DPP6: variants seen among roughly 807,000 people sequenced by gnomAD.
DPP6 encodes the protein dipeptidyl peptidase like 6.
A neutral mutation model predicts 122.6 loss-of-function variants in DPP6; 69 were observed. The ratio of observed to expected loss-of-function variants is 0.56; its 90% CI spans 0.46 to 0.69. The LOEUF is 0.69. Ranked by LOEUF, DPP6 falls within the 30% of genes least tolerant of loss-of-function variation. The probability of loss-of-function intolerance (pLI) is 0.00; values close to 1 mark genes in which losing one functional copy is unlikely to be tolerated. For missense variants in DPP6, 928 were observed against 1,116.9 expected, an observed-to-expected ratio of 0.83 and a Z score of 2.41; for synonymous variants, 418 against 433.1, an observed-to-expected ratio of 0.97 and a Z score of 0.43.
At chr7:153,777,958 A>G in the DPP6 span, among the ~76,000 whole-genome samples, 3 of 147,364 alleles carry the variant, frequency 2.0e-5, no homozygotes, top group Middle Eastern at 0.01. Context: ...AATGAAACTA[A>G]CTCTATTATA....
At chr7:154,417,196 A>G (rs928033199) in intron 1 of DPP6, among the ~76,000 whole-genome samples, 4 of 152,112 alleles carry the variant, frequency 2.6e-5, no homozygotes, top group East Asian at 1.9e-4. Flanking sequence ...CCCACCAATT[A>G]CTTTCAAGAC....
At chr7:154,735,930 C>T (rs1357047075) in intron 8 of DPP6, among the ~76,000 whole-genome samples, 1 of 152,244 alleles carries the variant, frequency 6.6e-6, no homozygotes, top group African/African-American at 2.4e-5. Flanking sequence ...CTGTTCCTCA[C>T]TTGACCCTGA....
chr7:154,716,826 G>A (rs576597991), intron 7 of DPP6, among the ~76,000 whole-genome samples: 1 of 151,736 alleles, frequency 6.6e-6, no homozygotes, highest in South Asian at 2.1e-4. Context: ...TTGTTTGTTT[G>A]TTTGTTGTTA....
At chr7:154,860,840 C>T (rs1287504660) in intron 17 of DPP6, among the ~76,000 whole-genome samples, 2 of 152,204 alleles carry the variant, frequency 1.3e-5, no homozygotes, top group African/African-American at 2.4e-5. Flanking sequence ...GGCAGCTGCC[C>T]CATCACAGCC....
At chr7:153,920,801 T>A (rs1162318330) in intron 1 of DPP6, among the ~76,000 whole-genome samples, 1 of 151,980 alleles carries the variant, frequency 6.6e-6, no homozygotes, top group Non-Finnish European at 1.5e-5. Flanking sequence ...CCTCATGATC[T>A]GCCCACCTCA....
chr7:153,997,672 C>T (rs1451316255), intron 1 of DPP6, among the ~76,000 whole-genome samples: 1 of 149,690 alleles, frequency 6.7e-6, no homozygotes, highest in Non-Finnish European at 1.5e-5. Context: ...CTCTTAAGCA[C>T]ACAAAAATTA....
In DPP6 at chr7:154,863,006, C is replaced by T. The variant is rs1050216470; in HGVS notation, c.1715-4989C>T. Reference sequence around the variant, plus strand: ...TTTGACCTCCTGGGCTCAAGCAATCCTCCCACCTCAGCCCCACAAGTAGCT... The same window carrying T: ...TTTGACCTCCTGGGCTCAAGCAATCTTCCCACCTCAGCCCCACAAGTAGCT... On this transcript the variant is annotated intron_variant, in intron 17 of 25. Coordinates refer to ENST00000377770, the MANE Select transcript of DPP6 (RefSeq NM_130797.4). This position sits in a 1 kb window ranked among gnomAD's most constrained non-coding sequence, Gnocchi z 4.1. Among the ~76,000 whole-genome samples, 7 of 152,130 alleles carry T rather than the reference C, an allele frequency of 4.6e-5. No individual in the cohort carries two copies. Among genetic ancestry groups the T allele is most frequent in the Admixed American group, 4.6e-4 (7 of 15,278 alleles).
the DPP6 span, among the ~76,000 whole-genome samples, chr7:153,853,901 T>G: frequency 6.0e-4 from 90 of 150,912 alleles, 1 homozygote; most frequent in African/African-American, 2.1e-3. Context: ...TTTGGTGTTT[T>G]GGACATGAAG....
the DPP6 span, among the ~76,000 whole-genome samples, chr7:153,830,777 A>G: frequency 6.6e-6 from 1 of 152,232 alleles, no homozygotes; most frequent in African/African-American, 2.4e-5. Flanking sequence ...CGCACCAGGG[A>G]TAACAATAGC....
chr7:154,365,948 A>G (rs961373556), intron 1 of DPP6, among the ~76,000 whole-genome samples: 4 of 116,582 alleles, frequency 3.4e-5, no homozygotes, highest in Non-Finnish European at 6.6e-5. Flanking sequence ...ACAGAGCGAG[A>G]CTCCGTCTCA....
intron 1 of DPP6, among the ~76,000 whole-genome samples, chr7:154,151,321 G>A (rs551500848): frequency 1.9e-4 from 29 of 152,226 alleles, no homozygotes; most frequent in African/African-American, 6.3e-4. Context: ...TCTGAGCTGC[G>A]GGCTTTCTGT....
chr7:154,735,417 TG>T (rs1192465298), intron 8 of DPP6, among the ~76,000 whole-genome samples: 1 of 152,232 alleles, frequency 6.6e-6, no homozygotes, highest in Non-Finnish European at 1.5e-5. Context: ...GTAAAAGTAA[TG>T]ATGAAAATAT....
chr7:154,294,457 T>C (rs1422155917), intron 1 of DPP6, among the ~76,000 whole-genome samples: 1 of 152,216 alleles, frequency 6.6e-6, no homozygotes, highest in Non-Finnish European at 1.5e-5. Flanking sequence ...CCAAATCATA[T>C]CTGTGTTGCA....
At chr7:153,796,607 C>T in the DPP6 span, among the ~76,000 whole-genome samples, 124 of 152,246 alleles carry the variant, frequency 8.1e-4, 1 homozygote, top group Non-Finnish European at 1.5e-3. Flanking sequence ...TTTTATGCTA[C>T]AAATATAATT....
Position 154,324,871 on chromosome 7 carries a change from T to TA in DPP6, c.244-121343_244-121342insA, listed in dbSNP as rs1563481254. 7.6e-5 allele frequency among the ~76,000 whole-genome samples: 11 copies of TA among 144,856 alleles called. No individual in the cohort carries two copies. In the East Asian group the frequency reaches 1.8e-3, roughly 24 times the overall value. On this transcript the variant is annotated intron_variant, in intron 1 of 25. Transcript: ENST00000377770. ...TCTTTCTTCTTTCCTTTTGTTATTT[T>TA]TTTTTTTTTTTTGAGTCTTGCTCTG...
intron 1 of DPP6, among the ~76,000 whole-genome samples, chr7:154,252,275 A>G (rs1225237576): frequency 6.6e-6 from 1 of 151,720 alleles, no homozygotes; most frequent in Non-Finnish European, 1.5e-5. Flanking sequence ...GATGAAATGG[A>G]GGAAGAATAT....
chr7:154,254,774 T>A (rs1325610900), intron 1 of DPP6, among the ~76,000 whole-genome samples: 1 of 152,024 alleles, frequency 6.6e-6, no homozygotes. Context: ...CGAGCTTCAA[T>A]GAGAGAAGGA....
At chr7:154,713,228 C>G (rs1244688599) in intron 7 of DPP6, among the ~76,000 whole-genome samples, 1 of 152,232 alleles carries the variant, frequency 6.6e-6, no homozygotes, top group Admixed American at 6.5e-5. Flanking sequence ...CAGGGTACAG[C>G]CTACCTCCCA....
At chr7:154,623,754 T>C (rs757393179) in intron 5 of DPP6, among the ~76,000 whole-genome samples, 8 of 152,222 alleles carry the variant, frequency 5.3e-5, no homozygotes, top group Non-Finnish European at 1.0e-4. Flanking sequence ...TCTGAAAATA[T>C]AAATTGGGAT....
Sources: gnomAD v4.1 joint callset for allele counts (sites outside exome capture counted in the v4.1 genomes callset) on GRCh38, gnomAD v4.1.1 for gene constraint, Gnocchi (gnomAD v3.1) non-coding constraint, MANE v1.5 for transcripts, NCBI Gene and HGNC (gene_info 2026-07-23, HGNC 2026-07-21) for gene names.